EFNB1: variants seen among roughly 807,000 people sequenced by gnomAD.
The protein encoded by EFNB1 is ephrin B1.
Under a neutral mutation model 18.1 loss-of-function variants are expected in EFNB1, and 1 was observed. The ratio of observed to expected loss-of-function variants is 0.06; its 90% CI spans 0.02 to 0.26. The LOEUF is 0.26. EFNB1 is among the 10% of genes least tolerant of loss of function. The probability of loss-of-function intolerance (pLI) is 1.00; values close to 1 mark genes in which losing one functional copy is unlikely to be tolerated. For missense variants in EFNB1, 221 were observed against 301.8 expected, an observed-to-expected ratio of 0.73 and a Z score of 1.98; for synonymous variants, 131 against 127.5, an observed-to-expected ratio of 1.03 and a Z score of -0.19.
At position 68,842,136 on chromosome X, in the gene EFNB1, A is replaced by C. The variant is rs1215739131; in HGVS notation, c.*1482A>C. Reference sequence around the variant, plus strand: ...TTTTTCTTAGAAAAAAATGAGAACTAAAAAAAAAAAATTAACCACATGGAG... The same window carrying C: ...TTTTTCTTAGAAAAAAATGAGAACTCAAAAAAAAAAATTAACCACATGGAG... On this transcript the variant is annotated 3_prime_UTR_variant, in exon 5 of 5. Coordinates refer to ENST00000204961, the MANE Select transcript of EFNB1 (RefSeq NM_004429.5). 3 of 106,993 alleles carry C rather than the reference A, an allele frequency of 2.8e-5. No homozygotes were observed. The highest frequency in any genetic ancestry group is 1.0e-4 in the African/African-American group (3 of 29,611). 8.8% of individuals were successfully genotyped at this position (106,993 alleles called of 1,213,427 possible).
intron 1 of EFNB1, among the ~76,000 whole-genome samples, chrX:68,838,131 A>ATGTGTGTGTGTGTG (rs1193927663): frequency 1.8e-5 from 1 of 55,546 alleles, no homozygotes. Context: ...GTGTGTGTGT[A>ATGTGTGTGTGTGTG]TGTGTGTGTG....
intron 1 of EFNB1, among the ~76,000 whole-genome samples, chrX:68,834,068 G>C (rs1243419683): frequency 8.9e-6 from 1 of 112,434 alleles, no homozygotes. Flanking sequence ...CTGGCTCCCT[G>C]CCCCTGAGTT....
intron 1 of EFNB1, among the ~76,000 whole-genome samples, chrX:68,832,309 A>C (rs1602667315): frequency 1.9e-5 from 2 of 105,249 alleles, no homozygotes; most frequent in African/African-American, 7.0e-5. Flanking sequence ...ACTCCCTCTC[A>C]CTCTTAGTCA....
rs1343628721 is a variant in EFNB1, at chrX:68,840,974, C to T, written c.*320C>T. On this transcript the variant is annotated 3_prime_UTR_variant, in exon 5 of 5. Coordinates refer to ENST00000204961, the MANE Select transcript of EFNB1 (RefSeq NM_004429.5). Reference sequence around the variant, plus strand: ...GTCCCCTGGCCCTGCCCCTCCCTCGCCCCCCTTGCCACCTTCCCAGGACTG... The same window carrying T: ...GTCCCCTGGCCCTGCCCCTCCCTCGTCCCCCTTGCCACCTTCCCAGGACTG... 1.4e-5 allele frequency: 5 copies of T among 349,641 alleles called. No individual in the cohort carries two copies. Among genetic ancestry groups the T allele is most frequent in the East Asian group, 1.3e-4 (3 of 22,549 alleles). The allele number at this position is 349,641 out of a possible 1,213,427, so 28.8% of individuals were successfully genotyped here.
chrX:68,840,599 A>G lies in EFNB1; in HGVS notation c.986A>G (p.Tyr329Cys), dbSNP rs2080475200. ...KVSGDYGHPV[Y>C]IVQEMPPQSP... is the part of the protein sequence containing the mutation. ...AGTGGGGACTACGGGCACCCTGTCT[A>G]CATCGTCCAAGAGATGCCGCCCCAG... is the stretch of plus-strand genomic sequence containing the variant. The change falls in exon 5 of 5, where the codon TAC becomes TGC. Residue 329 changes from tyrosine (Y) to cysteine (C), a missense_variant. Tyr to Cys is a radical substitution (Grantham distance 194). Coordinates refer to ENST00000204961, the MANE Select transcript of EFNB1 (RefSeq NM_004429.5). 1 of 1,210,711 alleles carries G rather than the reference A, an allele frequency of 8.3e-7. No homozygotes were observed. The highest frequency in any genetic ancestry group is 1.1e-6 in the Non-Finnish European group (1 of 895,108).
chrX:68,832,581 A>G (rs1380625715), intron 1 of EFNB1, among the ~76,000 whole-genome samples: 1 of 111,658 alleles, frequency 9.0e-6, no homozygotes. Context: ...CCAGGTTCCA[A>G]GGTGCGTGCG....
chrX:68,840,861 C>G lies in EFNB1; in HGVS notation c.*207C>G. On this transcript the variant is annotated 3_prime_UTR_variant, in exon 5 of 5. Transcript: ENST00000204961. ...CCTAACCCCCATGCTCTTGTGCCTT[C>G]CCCCTCTGGCCAGGCCTCTGGGCTC... is the stretch of plus-strand genomic sequence containing the variant. The G allele has an allele frequency of 2.2e-6, 1 of 458,742 alleles. No individual in the cohort carries two copies. Among genetic ancestry groups the G allele is most frequent in the Non-Finnish European group, 3.7e-6 (1 of 267,845 alleles). The allele number at this position is 458,742 out of a possible 1,213,427, so 37.8% of individuals were successfully genotyped here.
intron 2 of EFNB1, 149 bp downstream of exon 2, chrX:68,839,043 T>G (rs1251578208): frequency 5.1e-5 from 42 of 826,782 alleles, no homozygotes; most frequent in Non-Finnish European, 7.1e-5. Context: ...TGGCATGTTC[T>G]CCTCTTAGCC....
chrX:68,837,416 A>G (rs1602669721), intron 1 of EFNB1, among the ~76,000 whole-genome samples: 1 of 112,126 alleles, frequency 8.9e-6, no homozygotes, highest in African/African-American at 3.2e-5. Context: ...CCCACTTTAC[A>G]AGAGAAGAAA....
chrX:68,833,637 C>T (rs901925135), intron 1 of EFNB1, among the ~76,000 whole-genome samples: 1 of 111,832 alleles, frequency 8.9e-6, no homozygotes, highest in Non-Finnish European at 1.9e-5. Flanking sequence ...AGCTGAGATA[C>T]GGGGGTGCTC....
At chrX:68,833,354 G>C (rs1249470081) in intron 1 of EFNB1, among the ~76,000 whole-genome samples, 1 of 112,110 alleles carries the variant, frequency 8.9e-6, no homozygotes, top group Non-Finnish European at 1.9e-5. Context: ...CTGTTCCCCT[G>C]CCTCCCCTCT....
At position 68,829,467 on chromosome X, in the gene EFNB1, G is replaced by T; in HGVS notation, c.-310G>T. The T allele has an allele frequency of 3.0e-6, 1 of 329,506 alleles. No individual in the cohort carries two copies. The allele number at this position is 329,506 out of a possible 1,213,427, so 27.2% of individuals were successfully genotyped here. On this transcript the variant is annotated 5_prime_UTR_variant, in exon 1 of 5. Coordinates refer to ENST00000204961, the MANE Select transcript of EFNB1 (RefSeq NM_004429.5). ...CCGAAGCGTCTCGGGAAGTCGAGCG[G>T]AATCGGGCGGGATCACCCGGGGGCG...
Position 68,842,061 on chromosome X carries a change from A to G in EFNB1, c.*1407A>G, listed in dbSNP as rs1301589451. On this transcript the variant is annotated 3_prime_UTR_variant, in exon 5 of 5. Coordinates refer to ENST00000204961, the MANE Select transcript of EFNB1 (RefSeq NM_004429.5). The stretch of plus-strand genomic sequence containing the variant: ...GTAAATACTAGTCTTTTTGGAAAAA[A>G]AATAATGTAAAGATGTTTTGTATAA... The G allele has an allele frequency of 8.9e-6, 1 of 112,644 alleles. No individual in the cohort carries two copies. Among genetic ancestry groups the G allele is most frequent in the Non-Finnish European group, 1.9e-5 (1 of 53,228 alleles). 9.3% of individuals were successfully genotyped at this position (112,644 alleles called of 1,213,427 possible).
Position 68,829,643 on chromosome X carries a change from G to C in EFNB1, c.-134G>C, listed in dbSNP as rs773063048. 4.5e-5 allele frequency: 47 copies of C among 1,053,816 alleles called. No homozygotes were observed. The African/African-American group carries it at 6.5e-4, about 14-fold the overall frequency. The allele number at this position is 1,053,816 out of a possible 1,213,427, so 86.8% of individuals were successfully genotyped here. A position where few individuals can be genotyped will look rare whatever the true frequency, so the allele number is the denominator to read the frequency against. ...GAGCGACACCGAAGCCGGCGGGAGG[G>C]GAGCACTTCAAGGCCGGCGGCTGCG... On this transcript the variant is annotated 5_prime_UTR_variant, in exon 1 of 5. Transcript: ENST00000204961.
intron 1 of EFNB1, among the ~76,000 whole-genome samples, chrX:68,833,676 G>A (rs762057133): frequency 1.8e-5 from 2 of 112,067 alleles, no homozygotes; most frequent in Admixed American, 9.4e-5. Context: ...TCCTTACCCC[G>A]CAGACCATAG....
At position 68,829,780 on chromosome X, in the gene EFNB1, G is replaced by C. The variant is rs1301370944; in HGVS notation, c.4G>C (p.Ala2Pro). Residue 2 changes from alanine (A) to proline (P), a missense_variant, in exon 1 of 5, where the codon GCT (alanine) becomes CCT (proline). By Grantham distance (27) the Ala-to-Pro change is conservative. Coordinates refer to ENST00000204961, the MANE Select transcript of EFNB1 (RefSeq NM_004429.5). M[A>P]RPGQRWLGKW... ...AGTGCAGTCTGCCCCCGGGAAGATG[G>C]CTCGGCCTGGGCAGCGTTGGCTCGG... 8.4e-7 allele frequency: 1 copy of C among 1,190,380 alleles called. No homozygotes were observed. Among genetic ancestry groups the C allele is most frequent in the Admixed American group, 2.3e-5 (1 of 42,992 alleles).
intron 1 of EFNB1, 147 bp downstream of exon 1, chrX:68,830,051 C>T: frequency 2.2e-6 from 1 of 461,700 alleles, no homozygotes; most frequent in South Asian, 2.8e-5. Context: ...TTCCTGCGGG[C>T]GGGCGGATGG....
In EFNB1 at chrX:68,829,185, C is replaced by T. The variant is rs1432483346; in HGVS notation, c.-592C>T. On this transcript the variant is annotated 5_prime_UTR_variant, in exon 1 of 5. Coordinates refer to ENST00000204961, the MANE Select transcript of EFNB1 (RefSeq NM_004429.5). ...GGACTGGCTCGCTCGGCAGCATCTCCCCGCTCTTCTAAGTACACTGAGCAG... is the reference window on the plus strand; with the variant it reads ...GGACTGGCTCGCTCGGCAGCATCTCTCCGCTCTTCTAAGTACACTGAGCAG... The T allele has an allele frequency of 1.7e-5, 2 of 116,108 alleles. No homozygotes were observed. The highest frequency in any genetic ancestry group is 1.8e-5 in the Non-Finnish European group (1 of 55,820). 9.6% of individuals were successfully genotyped at this position (116,108 alleles called of 1,213,427 possible).
At position 68,829,562 on chromosome X, in the gene EFNB1, A is replaced by C. The variant is rs768850247; in HGVS notation, c.-215A>C. ...AACGAGCCCTCGGGGGCCGAAGCCC[A>C]TGCCCGGGTTGGGGGCGGCTGCCCA... is the stretch of plus-strand genomic sequence containing the variant. On this transcript the variant is annotated 5_prime_UTR_variant, in exon 1 of 5. An upstream start codon of the reference 5' UTR is lost. Transcript: ENST00000204961. 2 of 547,962 alleles carry C rather than the reference A, an allele frequency of 3.6e-6. No homozygotes were observed. Among genetic ancestry groups the C allele is most frequent in the African/African-American group, 4.6e-5 (2 of 43,354 alleles). 45.2% of individuals were successfully genotyped at this position (547,962 alleles called of 1,213,427 possible). A position where few individuals can be genotyped will look rare whatever the true frequency, so the allele number is the denominator to read the frequency against.
Sources: gnomAD v4.1 joint callset for allele counts (sites outside exome capture counted in the v4.1 genomes callset) on GRCh38, gnomAD v4.1.1 for gene constraint, MANE v1.5 for transcripts, NCBI Gene and HGNC (gene_info 2026-07-23, HGNC 2026-07-21) for gene names.